Variants in LRMDA observed in about 807,000 individuals in gnomAD.
LRMDA encodes the protein leucine-rich melanocyte differentiation-associated protein.
In LRMDA, 18 loss-of-function variants were observed where a neutral mutation model predicts 29.8. The ratio of observed to expected loss-of-function variants is 0.60; its 90% CI spans 0.42 to 0.90. The LOEUF is 0.90. Ranked by LOEUF, LRMDA falls within the 40% of genes least tolerant of loss-of-function variation. LRMDA has a pLI of 0.00. For synonymous variants in LRMDA, 125 were observed against 109.4 expected (o/e 1.14, Z -0.89); for missense variants, 273 against 273.9 (o/e 1.00, Z 0.02).
At chr10:76,012,770 C>T (rs546853011) in intron 2 of LRMDA, among the ~76,000 whole-genome samples, 1 of 152,280 alleles carries the variant, frequency 6.6e-6, no homozygotes, top group African/African-American at 2.4e-5. Flanking sequence ...TACACAGTGT[C>T]TTTTCCTGCA....
At chr10:75,738,327 T>C (rs1055819600) in intron 2 of LRMDA, among the ~76,000 whole-genome samples, 1 of 152,162 alleles carries the variant, frequency 6.6e-6, no homozygotes, top group East Asian at 1.9e-4. Context: ...TTCAGAGGAA[T>C]TGAGTCACAT....
intron 6 of LRMDA, among the ~76,000 whole-genome samples, chr10:76,411,009 C>A (rs1188311382): frequency 6.6e-6 from 1 of 152,024 alleles, no homozygotes; most frequent in Non-Finnish European, 1.5e-5. Flanking sequence ...TGCAGGGAGA[C>A]CATAGAGGGG....
At chr10:76,451,642 CTTTT>C (rs777043341) in intron 6 of LRMDA, among the ~76,000 whole-genome samples, 3 of 129,964 alleles carry the variant, frequency 2.3e-5, no homozygotes, top group Non-Finnish European at 3.3e-5. Flanking sequence ...TTCTCCAATG[CTTTT>C]TTTTTTTTTT....
At chr10:75,584,340 C>T (rs539578055) in intron 2 of LRMDA, among the ~76,000 whole-genome samples, 14 of 152,244 alleles carry the variant, frequency 9.2e-5, no homozygotes, top group South Asian at 8.3e-4. Context: ...AACTGGCTTA[C>T]GTGTTCCTCT....
At chr10:76,544,313 C>G (rs1843393801) in intron 6 of LRMDA, among the ~76,000 whole-genome samples, 1 of 152,118 alleles carries the variant, frequency 6.6e-6, no homozygotes, top group South Asian at 2.1e-4. Context: ...TGTTAACTTA[C>G]CACAGGGTGA....
At chr10:75,651,375 CTG>C (rs1431356535) in intron 2 of LRMDA, among the ~76,000 whole-genome samples, 1 of 152,174 alleles carries the variant, frequency 6.6e-6, no homozygotes, top group Admixed American at 6.5e-5. Flanking sequence ...GCCCTGAAGA[CTG>C]TGCACACTGT....
chr10:76,044,729 A>G (rs754683870), intron 3 of LRMDA, among the ~76,000 whole-genome samples: 1 of 151,926 alleles, frequency 6.6e-6, no homozygotes, highest in Non-Finnish European at 1.5e-5. Context: ...TCCTCATTCT[A>G]GTGTTCCTGT....
chr10:75,945,704 A>C (rs1846465157), intron 2 of LRMDA, among the ~76,000 whole-genome samples: 1 of 152,194 alleles, frequency 6.6e-6, no homozygotes, highest in Admixed American at 6.5e-5. Context: ...AGAAGACGGA[A>C]ATATATAGAT....
chr10:75,746,741 A>G (rs1213218010), intron 2 of LRMDA, among the ~76,000 whole-genome samples: 1 of 152,122 alleles, frequency 6.6e-6, no homozygotes. Flanking sequence ...GGGGGAGCTT[A>G]TATTTTGACA....
intron 5 of LRMDA, among the ~76,000 whole-genome samples, chr10:76,299,598 CCTTT>C (rs1458775829): frequency 4.8e-4 from 52 of 108,246 alleles, no homozygotes; most frequent in East Asian, 3.3e-3. Flanking sequence ...CACCCCCCTT[CCTTT>C]CTTTTTTTTT....
At chr10:75,560,461 C>T (rs899781081) in intron 2 of LRMDA, among the ~76,000 whole-genome samples, 32 of 150,816 alleles carry the variant, frequency 2.1e-4, no homozygotes, top group Non-Finnish European at 3.7e-4. Flanking sequence ...TCTAGATATA[C>T]AATCATGTCA....
At chr10:76,547,490 C>A (rs1183072976) in intron 6 of LRMDA, among the ~76,000 whole-genome samples, 2 of 151,452 alleles carry the variant, frequency 1.3e-5, no homozygotes, top group Non-Finnish European at 3.0e-5. Flanking sequence ...TGAATAGTTG[C>A]CGCCATTTAT....
chr10:76,047,101 C>G, intron 3 of LRMDA, 63 bp from the exon 4 acceptor site: 1 of 1,586,748 alleles, frequency 6.3e-7, no homozygotes, highest in African/African-American at 1.3e-5. Context: ...GCCTGTCAGT[C>G]ATGGCCTATG....
chr10:76,379,587 T>G (rs923426010), intron 6 of LRMDA, among the ~76,000 whole-genome samples: 1 of 152,162 alleles, frequency 6.6e-6, no homozygotes, highest in Non-Finnish European at 1.5e-5. Flanking sequence ...CTTCTGATTG[T>G]GCTTATTTGA....
intron 2 of LRMDA, among the ~76,000 whole-genome samples, chr10:75,936,826 A>G (rs1846303425): frequency 6.6e-6 from 1 of 152,174 alleles, no homozygotes; most frequent in African/African-American, 2.4e-5. Flanking sequence ...ACACCCTAAC[A>G]CCATCACCTT....
intron 2 of LRMDA, among the ~76,000 whole-genome samples, chr10:75,875,880 G>A (rs529192229): frequency 6.6e-6 from 1 of 152,324 alleles, no homozygotes; most frequent in African/African-American, 2.4e-5. Context: ...TTGGACCCTG[G>A]TGGTAAAACA....
chr10:75,824,206 A>G (rs181472879), intron 2 of LRMDA, among the ~76,000 whole-genome samples: 1 of 152,222 alleles, frequency 6.6e-6, no homozygotes, highest in Non-Finnish European at 1.5e-5. Flanking sequence ...AATGAAGTAT[A>G]TTATCAAAAT....
chr10:76,171,048 T>G (rs1850826252), intron 5 of LRMDA, among the ~76,000 whole-genome samples: 1 of 152,214 alleles, frequency 6.6e-6, no homozygotes, highest in South Asian at 2.1e-4. Flanking sequence ...TGGATGTGCA[T>G]TGCTTCCTAT....
chr10:75,742,136 G>T (rs181472732), intron 2 of LRMDA, among the ~76,000 whole-genome samples: 1 of 152,184 alleles, frequency 6.6e-6, no homozygotes, highest in Non-Finnish European at 1.5e-5. Context: ...ACTAAGATAC[G>T]TGCATTATAG....
Sources: gnomAD v4.1 joint callset for allele counts (sites outside exome capture counted in the v4.1 genomes callset) on GRCh38, gnomAD v4.1.1 for gene constraint, MANE v1.5 for transcripts, NCBI Gene and HGNC (gene_info 2026-07-23, HGNC 2026-07-21) for gene names.